Variants in SLC26A3 observed in about 807,000 individuals in gnomAD.
SLC26A3 encodes the protein solute carrier family 26 member 3, also known as chloride anion exchanger.
Under a neutral mutation model 85.6 loss-of-function variants are expected in SLC26A3, and 64 were observed. The observed-to-expected ratio is 0.75, with a 90% CI of 0.61 to 0.92. The LOEUF (loss-of-function observed/expected upper bound fraction) is 0.92. Among genes scored for constraint, SLC26A3 ranks in the 40% least tolerant of loss-of-function variants. The pLI, the probability that SLC26A3 is intolerant of heterozygous loss-of-function variation, is 0.00. For missense variants in SLC26A3, 922 were observed against 927.3 expected (o/e 0.99, Z 0.07); for synonymous variants, 349 against 336.0 (o/e 1.04, Z -0.42).
chr7:107,783,454 G>T, intron 8 of SLC26A3, 102 bp from the exon 9 acceptor site: 2 of 1,379,606 alleles, frequency 1.4e-6, no homozygotes, highest in Non-Finnish European at 2.1e-6. Flanking sequence ...GCTGAGTTGT[G>T]TCTCACTTTG....
At chr7:107,776,856 G>A (rs1172752016) in intron 13 of SLC26A3, 150 bp from the exon 14 acceptor site, 1 of 723,330 alleles carries the variant, frequency 1.4e-6, no homozygotes, top group Non-Finnish European at 2.4e-6. Flanking sequence ...ACTCTGGAAG[G>A]TGAACACCTT....
rs992381835 is a variant in SLC26A3, at chr7:107,794,451, G to A, written c.59C>T (p.Ala20Val). 4.3e-6 allele frequency: 7 copies of A among 1,613,794 alleles called. No individual in the cohort carries two copies. The Admixed American group carries it at 5.0e-5, about 12-fold the overall frequency. The change falls in exon 2 of 21, where the codon GCT becomes GTT. Residue 20 changes from alanine (A) to valine (V), a missense_variant. By Grantham distance (64) the Ala-to-Val change is moderately conservative (BLOSUM62 0). Coordinates refer to ENST00000340010, the MANE Select transcript of SLC26A3 (RefSeq NM_000111.3). ...TGTCTTTTTATGATTTTCCTCAAAAGCATTTGTAGAATACACTGGCCTGGC... is the reference window on the plus strand; with the variant it reads ...TGTCTTTTTATGATTTTCCTCAAAAACATTTGTAGAATACACTGGCCTGGC... ...IVARPVYSTN[A>V]FEENHKKTGR... is the part of the protein sequence containing the mutation.
intron 1 of SLC26A3, among the ~76,000 whole-genome samples, chr7:107,796,927 A>G (rs1206827911): frequency 1.3e-5 from 2 of 152,090 alleles, no homozygotes; most frequent in Non-Finnish European, 2.9e-5. Flanking sequence ...GTCTTCCCCA[A>G]AAAAGATCTT....
chr7:107,769,998 TTC>T (rs564542625), intron 18 of SLC26A3, among the ~76,000 whole-genome samples: 11 of 87,922 alleles, frequency 1.3e-4, no homozygotes, highest in African/African-American at 1.8e-4. Context: ...CCTTCCTTTT[TTC>T]TCTTTCTTTC....
chr7:107,796,985 T>A (rs2115897974), intron 1 of SLC26A3, among the ~76,000 whole-genome samples: 1 of 152,364 alleles, frequency 6.6e-6, no homozygotes, highest in African/African-American at 2.4e-5. Context: ...TATTTTAATT[T>A]TTTTTGCCGA....
chr7:107,800,075 T>C (rs1218933165), intron 1 of SLC26A3, among the ~76,000 whole-genome samples: 1 of 152,224 alleles, frequency 6.6e-6, no homozygotes, highest in Non-Finnish European at 1.5e-5. Context: ...GCTTCTTCAC[T>C]CCTCCTTCAC....
chr7:107,789,593 C>A lies in SLC26A3; in HGVS notation c.666G>T (p.Leu222Phe). ...GFTTAAAVHV[L>F]VSQLKFIFQL... ...GAAAAATGAATTTGAGTTGGGAAAC[C>A]AAAACATGAACAGCAGCAGCAGTAG... Residue 222 changes from leucine (L) to phenylalanine (F), a missense_variant, in exon 6 of 21, where the codon TTG (leucine) becomes TTT (phenylalanine). Coordinates refer to ENST00000340010, the MANE Select transcript of SLC26A3 (RefSeq NM_000111.3). 6.2e-7 allele frequency: 1 copy of A among 1,613,902 alleles called. No individual in the cohort carries two copies. The highest frequency in any genetic ancestry group is 8.5e-7 in the Non-Finnish European group (1 of 1,179,936).
At chr7:107,797,745 T>TTTTTTTTTTTTTTG in intron 1 of SLC26A3, among the ~76,000 whole-genome samples, 1 of 149,094 alleles carries the variant, frequency 6.7e-6, no homozygotes, top group African/African-American at 2.5e-5. Context: ...AGGACCTTTT[T>TTTTTTTTTTTTTTG]TTTTTGAGAC....
chr7:107,793,794 C>T lies in SLC26A3; in HGVS notation c.219G>A (p.Leu73=), dbSNP rs1028438647. 3 of 1,613,976 alleles carry T rather than the reference C, an allele frequency of 1.9e-6. No homozygotes were observed. The African/African-American group carries it at 4.0e-5, about 22-fold the overall frequency. Residue 73 remains leucine, a synonymous_variant, in exon 3 of 21, where the codon TTG becomes TTA. Coordinates refer to ENST00000340010, the MANE Select transcript of SLC26A3 (RefSeq NM_000111.3). ...WLPAYRLKEW[L]LSDIVSGIST... ...TGATACCAGAAACAATATCACTGAG[C>T]AACCATTCTTTAAGCCGGTATGCTG...
Position 107,797,740 on chromosome 7 carries a change from C to CTTTTTTTTTTTTTTTTTTTTTT in SLC26A3, c.-88-3144_-88-3143insAAAAAAAAAAAAAAAAAAAAAA, listed in dbSNP as rs375903590. Among the ~76,000 whole-genome samples, 16 of 127,444 alleles carry CTTTTTTTTTTTTTTTTTTTTTT rather than the reference C, an allele frequency of 1.3e-4. 1 individual carries two copies. Among genetic ancestry groups the CTTTTTTTTTTTTTTTTTTTTTT allele is most frequent in the African/African-American group, 2.6e-4 (8 of 30,558 alleles). 83.6% of individuals were successfully genotyped at this position (127,444 alleles called of 152,430 possible). On this transcript the variant is annotated intron_variant, in intron 1 of 20. Coordinates refer to ENST00000340010, the MANE Select transcript of SLC26A3 (RefSeq NM_000111.3). ...CATTTCTGAGATTCTTGAGCAGGAC[C>CTTTTTTTTTTTTTTTTTTTTTT]TTTTTTTTTTGAGACGGAGTCTTGC...
chr7:107,784,469 T>TG (rs767380476), intron 8 of SLC26A3, among the ~76,000 whole-genome samples: 1 of 152,140 alleles, frequency 6.6e-6, no homozygotes, highest in Non-Finnish European at 1.5e-5. Flanking sequence ...TTTTTTGAGA[T>TG]GGGGTCTCCT....
intron 20 of SLC26A3, among the ~76,000 whole-genome samples, chr7:107,766,964 A>AT (rs1793927752): frequency 6.6e-6 from 1 of 151,986 alleles, no homozygotes; most frequent in African/African-American, 2.4e-5. Context: ...TACACCTGCC[A>AT]TCTACCTGGC....
At chr7:107,770,388 C>G (rs1052045713) in intron 18 of SLC26A3, among the ~76,000 whole-genome samples, 1 of 150,236 alleles carries the variant, frequency 6.7e-6, no homozygotes, top group Non-Finnish European at 1.5e-5. Context: ...TCCTGAGTAG[C>G]TGGGACTACA....
intron 1 of SLC26A3, among the ~76,000 whole-genome samples, chr7:107,799,836 T>G (rs1794572350): frequency 6.6e-6 from 1 of 152,210 alleles, no homozygotes; most frequent in Admixed American, 6.5e-5. Context: ...TATTGACTGT[T>G]GGTGGAATTT....
intron 5 of SLC26A3, among the ~76,000 whole-genome samples, chr7:107,789,953 G>T (rs1193186134): frequency 6.6e-6 from 1 of 152,060 alleles, no homozygotes. Flanking sequence ...GAAGTAACAG[G>T]CTTATTTGCA....
chr7:107,791,085 G>T lies in SLC26A3; in HGVS notation c.533C>A (p.Ala178Glu). The T allele has an allele frequency of 2.5e-6, 4 of 1,614,086 alleles. No individual in the cohort carries two copies. The highest frequency in any genetic ancestry group is 1.7e-6 in the Non-Finnish European group (2 of 1,180,012). Reference sequence around the variant, plus strand: ...AGAAAGCACTGTGACTGATGCCGCCGCCGCCACCCTCACCCTCTCGTCATC... The same window carrying T: ...AGAAAGCACTGTGACTGATGCCGCCTCCGCCACCCTCACCCTCTCGTCATC... Reference protein sequence around the residue: ...LLDDERVRVAAAASVTVLSGI... With the variant: ...LLDDERVRVAEAASVTVLSGI... The change falls in exon 5 of 21, where the codon GCG becomes GAG. Residue 178 changes from alanine to glutamate, a missense_variant. Physicochemically the swap from Ala to Glu is moderately radical, Grantham distance 107 (BLOSUM62 -1). Coordinates refer to ENST00000340010, the MANE Select transcript of SLC26A3 (RefSeq NM_000111.3).
chr7:107,789,076 C>T (rs1460690811), intron 6 of SLC26A3, among the ~76,000 whole-genome samples: 1 of 150,240 alleles, frequency 6.7e-6, no homozygotes, highest in African/African-American at 2.5e-5. Context: ...AGGTATGAGC[C>T]ATCATGCCTG....
chr7:107,789,689 C>A lies in SLC26A3; in HGVS notation c.571-1G>T, dbSNP rs386833485. 3.5e-5 allele frequency: 56 copies of A among 1,612,456 alleles called. No homozygotes were observed. The highest frequency in any genetic ancestry group is 4.6e-5 in the Non-Finnish European group (54 of 1,179,346). ...CAATCCGCAGAATCCCAAAAGCCAA[C>A]TGGAAAGAGAACAAAAGCCTTTGTC... On this transcript the variant is annotated splice_acceptor_variant, in intron 5 of 20. Coordinates refer to ENST00000340010, the MANE Select transcript of SLC26A3 (RefSeq NM_000111.3). LOFTEE classifies it high-confidence loss of function.
intron 3 of SLC26A3, 61 bp downstream of exon 3, chr7:107,793,681 G>T: frequency 7.8e-7 from 1 of 1,288,936 alleles, no homozygotes; most frequent in Non-Finnish European, 1.1e-6. Context: ...AAGTCCCTGA[G>T]CTGTACACAT....
Sources: allele counts gnomAD v4.1 joint callset (sites outside exome capture counted in the v4.1 genomes callset), GRCh38; gene constraint gnomAD v4.1.1; transcripts MANE v1.5; gene names NCBI Gene and HGNC (gene_info 2026-07-23, HGNC 2026-07-21).